EFCAB8: variants seen among roughly 807,000 people sequenced by gnomAD.
The protein encoded by EFCAB8 is EF-hand calcium-binding domain-containing protein 8.
EFCAB8 carries 100 observed loss-of-function variants against 116.3 expected under a neutral mutation model. The observed-to-expected ratio is 0.86, with a 90% confidence interval of 0.73 to 1.02. The LOEUF (loss-of-function observed/expected upper bound fraction) is 1.02. EFCAB8 is among the 50% of genes least tolerant of loss of function. The pLI is 0.00. For synonymous variants in EFCAB8, 558 were observed against 567.9 expected (o/e 0.98, Z 0.25); for missense variants, 1,320 against 1,416.9 (o/e 0.93, Z 1.10).
intron 2 of EFCAB8, among the ~76,000 whole-genome samples, chr20:32,864,841 C>A (rs1395636645): frequency 6.6e-6 from 1 of 152,200 alleles, no homozygotes; most frequent in Non-Finnish European, 1.5e-5. Context: ...GAAGAGCTCA[C>A]TATGAGACAA....
At chr20:32,913,890 C>A (rs990161328) in intron 17 of EFCAB8, among the ~76,000 whole-genome samples, 2 of 152,258 alleles carry the variant, frequency 1.3e-5, no homozygotes, top group African/African-American at 2.4e-5. Flanking sequence ...GCCCTTCAGG[C>A]CTGCTGGGGT....
In EFCAB8 at chr20:32,875,964, G is replaced by A. The variant is rs1489717726; in HGVS notation, c.247G>A (p.Val83Ile). 1 of 1,552,086 alleles carries A rather than the reference G, an allele frequency of 6.4e-7. No homozygotes were observed. The highest frequency in any genetic ancestry group is 1.2e-5 in the South Asian group (1 of 84,060). Residue 83 changes from valine to isoleucine, a missense_variant, in exon 4 of 27, where the codon GTT becomes ATT. Physicochemically the swap from Val to Ile is conservative, Grantham distance 29. Transcript: ENST00000400522. Reference sequence around the variant, plus strand: ...CGCCTTCATCAAGGCCATGAAGAAGGTTCTGAGCAGTGTGTCGGACGAGAT... The same window carrying A: ...CGCCTTCATCAAGGCCATGAAGAAGATTCTGAGCAGTGTGTCGGACGAGAT... ...MDAFIKAMKK[V>I]LSSVSDEMLK...
chr20:32,934,594 G>T (rs1179508453), intron 22 of EFCAB8, among the ~76,000 whole-genome samples: 2 of 152,168 alleles, frequency 1.3e-5, no homozygotes, highest in Non-Finnish European at 2.9e-5. Context: ...ATCTCATCTT[G>T]AATTGTAGCT....
intron 22 of EFCAB8, among the ~76,000 whole-genome samples, chr20:32,935,189 T>TTC (rs1177724947): frequency 6.1e-5 from 5 of 81,382 alleles, no homozygotes; most frequent in Admixed American, 1.2e-4. Context: ...TCTTTCTTTC[T>TTC]TTCTTTTTTT....
chr20:32,869,476 TC>T (rs1984584206), intron 3 of EFCAB8, among the ~76,000 whole-genome samples: 2 of 152,162 alleles, frequency 1.3e-5, no homozygotes, highest in African/African-American at 2.4e-5. Context: ...CCTCAGGTGA[TC>T]CGCCTGCCTT....
intron 19 of EFCAB8, among the ~76,000 whole-genome samples, 165 bp from the exon 20 acceptor site, chr20:32,919,913 A>G (rs1987366719): frequency 6.6e-6 from 1 of 152,108 alleles, no homozygotes; most frequent in South Asian, 2.1e-4. Flanking sequence ...TGGGAGCTTA[A>G]AGTGGAGGTT....
At chr20:32,891,520 G>T (rs1985913382) in intron 7 of EFCAB8, among the ~76,000 whole-genome samples, 1 of 152,164 alleles carries the variant, frequency 6.6e-6, no homozygotes, top group Admixed American at 6.5e-5. Flanking sequence ...AGCCAGCCTA[G>T]AACCCCATTT....
At chr20:32,876,177 C>T (rs375376102) in intron 4 of EFCAB8, 133 bp downstream of exon 4, 49 of 766,118 alleles carry the variant, frequency 6.4e-5, no homozygotes, top group Middle Eastern at 7.8e-4. Context: ...TGGCCCCAGT[C>T]GGGGGACTTG....
Position 32,930,466 on chromosome 20 carries a change from C to T in EFCAB8, c.2481C>T (p.Gly827=). ...TAALLSSCMD[G]YIYAWSLHEN... ...CCCTGCTGAGCAGCTGCATGGACGG[C>T]TACATCTACGCCTGGTCCCTCCATG... The change falls in exon 21 of 27, where the codon GGC becomes GGT. Residue 827 remains glycine (G), a synonymous_variant. Transcript: ENST00000400522. The T allele has an allele frequency of 6.4e-7, 1 of 1,551,912 alleles. No homozygotes were observed.
In EFCAB8 at chr20:32,900,909, G is replaced by A. The variant is rs1244362610; in HGVS notation, c.1088+2286G>A. Among the ~76,000 whole-genome samples the A allele has an allele frequency of 3.9e-5, 6 of 152,022 alleles. No individual in the cohort carries two copies. The East Asian group carries it at 5.8e-4, about 15-fold the overall frequency. On this transcript the variant is annotated intron_variant, in intron 11 of 26. Coordinates refer to ENST00000400522, the MANE Select transcript of EFCAB8 (RefSeq NM_001143967.2). ...AGTAGAGATGGGGTTTCACCATGTTGGCCAGGATGGTCTCGATCTCTTGAC... is the reference window on the plus strand; with the variant it reads ...AGTAGAGATGGGGTTTCACCATGTTAGCCAGGATGGTCTCGATCTCTTGAC...
chr20:32,947,695 C>A (rs1988638960), intron 23 of EFCAB8, among the ~76,000 whole-genome samples: 1 of 151,704 alleles, frequency 6.6e-6, no homozygotes, highest in South Asian at 2.1e-4. Flanking sequence ...TGAGATGCCA[C>A]AAAAAACAGT....
At chr20:32,874,362 A>G (rs554986845) in intron 3 of EFCAB8, among the ~76,000 whole-genome samples, 6 of 152,056 alleles carry the variant, frequency 3.9e-5, no homozygotes, top group Non-Finnish European at 8.8e-5. Flanking sequence ...AGCTGGGACT[A>G]CAGGCTCACG....
chr20:32,917,910 G>A (rs997418983), intron 18 of EFCAB8, among the ~76,000 whole-genome samples: 3 of 152,206 alleles, frequency 2.0e-5, no homozygotes, highest in Non-Finnish European at 2.9e-5. Context: ...CCATATCTCA[G>A]CAGATCAAAG....
chr20:32,923,159 G>A (rs1385786700), intron 20 of EFCAB8, among the ~76,000 whole-genome samples: 2 of 152,106 alleles, frequency 1.3e-5, no homozygotes, highest in African/African-American at 4.8e-5. Context: ...ACTCCAGCCT[G>A]GGCAACACAG....
intron 23 of EFCAB8, among the ~76,000 whole-genome samples, chr20:32,948,971 C>T (rs1988712187): frequency 6.6e-6 from 1 of 151,758 alleles, no homozygotes; most frequent in Non-Finnish European, 1.5e-5. Flanking sequence ...CAAAATTATA[C>T]TAGAAGAGTA....
At chr20:32,951,371 C>A (rs1289072355) in intron 23 of EFCAB8, among the ~76,000 whole-genome samples, 1 of 152,194 alleles carries the variant, frequency 6.6e-6, no homozygotes, top group Non-Finnish European at 1.5e-5. Flanking sequence ...CGTTATACAA[C>A]GTGGTTGGAT....
chr20:32,890,322 C>T (rs1417068542), intron 7 of EFCAB8, among the ~76,000 whole-genome samples: 2 of 152,210 alleles, frequency 1.3e-5, no homozygotes, highest in South Asian at 2.1e-4. Context: ...TCTTTTGGCT[C>T]TCATCTCAGA....
intron 7 of EFCAB8, among the ~76,000 whole-genome samples, chr20:32,891,500 G>A (rs1985911977): frequency 6.6e-6 from 1 of 152,200 alleles, no homozygotes; most frequent in South Asian, 2.1e-4. Context: ...TTACAGGTGT[G>A]AGCCATTGCA....
chr20:32,941,298 A>G (rs1219319245), intron 22 of EFCAB8, among the ~76,000 whole-genome samples: 2 of 149,278 alleles, frequency 1.3e-5, no homozygotes, highest in African/African-American at 5.0e-5. Flanking sequence ...AGCTGCAGTC[A>G]CTTTGGAAAA....
Sources: gnomAD v4.1 joint callset for allele counts (sites outside exome capture counted in the v4.1 genomes callset) on GRCh38, gnomAD v4.1.1 for gene constraint, MANE v1.5 for transcripts, NCBI Gene and HGNC (gene_info 2026-07-23, HGNC 2026-07-21) for gene names.